PCNX2: variants seen among roughly 807,000 people sequenced by gnomAD.
PCNX2 encodes the protein pecanex-like protein 2.
Under a neutral mutation model 223.8 loss-of-function variants are expected in PCNX2, and 168 were observed. That is an observed-to-expected ratio of 0.75 (90% CI 0.66 to 0.85). The LOEUF (loss-of-function observed/expected upper bound fraction) is 0.85, where lower values mean the gene tolerates loss of function less well. PCNX2 is among the 40% of genes least tolerant of loss of function. The pLI is 0.00. For missense variants in PCNX2, 2,507 were observed against 2,675.5 expected (o/e 0.94, Z 1.39); for synonymous variants, 1,006 against 1,052.6 (o/e 0.96, Z 0.86).
Position 233,243,903 on chromosome 1 carries a change from C to T in PCNX2, c.2222+6836G>A, listed in dbSNP as rs113590009. Among the ~76,000 whole-genome samples, 592 of 152,154 alleles carry T rather than the reference C, an allele frequency of 3.9e-3. 3 individuals are homozygous for T. Among genetic ancestry groups the T allele is most frequent in the African/African-American group, 0.013 (538 of 41,490 alleles). Reference sequence around the variant, plus strand: ...CTGGAGTGCAGTGACGTGATCTCGGCTCACCACAACCTCCGCCTCCCAGGT... The same window carrying T: ...CTGGAGTGCAGTGACGTGATCTCGGTTCACCACAACCTCCGCCTCCCAGGT... On this transcript the variant is annotated intron_variant, in intron 8 of 33. Coordinates refer to ENST00000258229, the MANE Select transcript of PCNX2 (RefSeq NM_014801.4).
Position 233,127,350 on chromosome 1 carries a change from T to C in PCNX2, c.3837+7663A>G, listed in dbSNP as rs946650467. Among the ~76,000 whole-genome samples the C allele has an allele frequency of 2.6e-5, 4 of 152,106 alleles. 1 individual carries two copies. The South Asian group carries it at 8.3e-4, about 32-fold the overall frequency. Reference sequence around the variant, plus strand: ...ACGGTTTCCGGAATGTGCCAACTCCTCTCTTGCTTCTGTGCCTTTACACAT... The same window carrying C: ...ACGGTTTCCGGAATGTGCCAACTCCCCTCTTGCTTCTGTGCCTTTACACAT... On this transcript the variant is annotated intron_variant, in intron 21 of 33. Transcript: ENST00000258229.
chr1:233,026,104 T>C (rs1233617050), intron 25 of PCNX2, among the ~76,000 whole-genome samples: 2 of 151,988 alleles, frequency 1.3e-5, no homozygotes, highest in Non-Finnish European at 2.9e-5. Context: ...CACAAAAAAA[T>C]AATAATAAAG....
chr1:233,247,085 G>C (rs1329204616), intron 8 of PCNX2, among the ~76,000 whole-genome samples: 3 of 152,258 alleles, frequency 2.0e-5, no homozygotes, highest in Non-Finnish European at 4.4e-5. Context: ...CCCTAAGCCT[G>C]TCAGACAGCA....
chr1:233,300,064 C>T (rs1572225782), upstream of PCNX2, among the ~76,000 whole-genome samples: 1 of 152,198 alleles, frequency 6.6e-6, no homozygotes, highest in East Asian at 1.9e-4. Context: ...TGAGTCTACA[C>T]CTTGGCTGAT....
At chr1:233,280,982 T>TCAA (rs1176053300) in intron 1 of PCNX2, among the ~76,000 whole-genome samples, 1 of 53,062 alleles carries the variant, frequency 1.9e-5, no homozygotes, top group Non-Finnish European at 3.9e-5. Context: ...ATCATGATCA[T>TCAA]CATCATCTAT....
At chr1:233,231,212 A>C (rs1658040128) in intron 9 of PCNX2, among the ~76,000 whole-genome samples, 2 of 152,154 alleles carry the variant, frequency 1.3e-5, no homozygotes, top group Admixed American at 6.6e-5. Context: ...CACATCAAGC[A>C]GTGCTCATCA....
intron 19 of PCNX2, among the ~76,000 whole-genome samples, chr1:233,156,938 C>CA (rs988801413): frequency 6.6e-6 from 1 of 151,126 alleles, no homozygotes; most frequent in African/African-American, 2.5e-5. Context: ...AACAAACAAA[C>CA]AAAAAACGCA....
chr1:233,278,072 T>G (rs979647433), intron 1 of PCNX2, among the ~76,000 whole-genome samples: 2 of 152,212 alleles, frequency 1.3e-5, no homozygotes, highest in Non-Finnish European at 2.9e-5. Context: ...GCACCACTCA[T>G]AGACAGTTAT....
chr1:233,043,852 G>A (rs965488422), intron 25 of PCNX2, among the ~76,000 whole-genome samples: 1 of 151,162 alleles, frequency 6.6e-6, no homozygotes, highest in Non-Finnish European at 1.5e-5. Context: ...ATTGTGAATA[G>A]TGCCACAACA....
In PCNX2 at chr1:233,217,880, C is replaced by G; in HGVS notation, c.2691+19G>C. On this transcript the variant is annotated intron_variant, in intron 12 of 33. Transcript: ENST00000258229. ...ACAGACAGACAAGAAAAGCTACTTG[C>G]CTGTATTTGGAAACTTACGTGTATT... 1 of 1,613,680 alleles carries G rather than the reference C, an allele frequency of 6.2e-7. No individual in the cohort carries two copies. The highest frequency in any genetic ancestry group is 8.5e-7 in the Non-Finnish European group (1 of 1,179,778).
At chr1:233,018,488 T>C (rs545973237) in intron 26 of PCNX2, among the ~76,000 whole-genome samples, 3 of 152,340 alleles carry the variant, frequency 2.0e-5, no homozygotes, top group Non-Finnish European at 2.9e-5. Context: ...TTGGGGAAAA[T>C]GCCTCCCTTG....
chr1:233,074,651 G>T (rs1174897266), intron 23 of PCNX2, among the ~76,000 whole-genome samples: 3 of 147,084 alleles, frequency 2.0e-5, no homozygotes, highest in Non-Finnish European at 4.5e-5. Context: ...CTACAGACTG[G>T]AATGAAATAT....
intron 1 of PCNX2, among the ~76,000 whole-genome samples, chr1:233,271,943 C>T (rs1660659719): frequency 6.6e-6 from 1 of 152,024 alleles, no homozygotes; most frequent in Non-Finnish European, 1.5e-5. Context: ...CTTAGTCTTG[C>T]CTTGGCTATG....
intron 21 of PCNX2, among the ~76,000 whole-genome samples, chr1:233,129,347 G>A (rs1283589539): frequency 1.3e-5 from 2 of 152,138 alleles, no homozygotes; most frequent in Non-Finnish European, 2.9e-5. Flanking sequence ...TCCCCACGGG[G>A]CAGGGCTCCT....
intron 10 of PCNX2, among the ~76,000 whole-genome samples, chr1:233,221,275 T>C (rs1657362854): frequency 6.6e-6 from 1 of 152,112 alleles, no homozygotes; most frequent in African/African-American, 2.4e-5. Context: ...TGTGCACTTT[T>C]AATAGTGCTC....
Position 233,198,992 on chromosome 1 carries a change from G to T in PCNX2, c.3013C>A (p.Arg1005=). 2 of 1,605,316 alleles carry T rather than the reference G, an allele frequency of 1.2e-6. No individual in the cohort carries two copies. The highest frequency in any genetic ancestry group is 2.2e-5 in the East Asian group (1 of 44,514). ...AGCAGGGCGGCAGCCAAGACGCTCC[G>T]GGCCACACTGTAAACAGCCGAGGTT... ...GITSAVYSVA[R]SVLAAALLHA... Residue 1005 remains arginine (R), a synonymous_variant, in exon 15 of 34, where the codon CGG becomes AGG. Transcript: ENST00000258229.
At chr1:233,006,647 A>G (rs1211766927) in intron 28 of PCNX2, among the ~76,000 whole-genome samples, 2 of 152,198 alleles carry the variant, frequency 1.3e-5, no homozygotes, top group African/African-American at 2.4e-5. Context: ...AAACAGCTCT[A>G]ATGTGGGGAT....
intron 19 of PCNX2, among the ~76,000 whole-genome samples, chr1:233,156,435 G>A (rs1220591052): frequency 1.3e-5 from 2 of 152,182 alleles, no homozygotes; most frequent in Non-Finnish European, 2.9e-5. Context: ...CAGCATTTGT[G>A]AGCCTCCCTC....
In PCNX2 at chr1:233,025,254, G is replaced by T. The variant is rs1671041434; in HGVS notation, c.4497C>A (p.Ile1499=). Residue 1499 remains isoleucine, a synonymous_variant, in exon 26 of 34, where the codon ATC becomes ATA. Transcript: ENST00000258229. The part of the protein sequence containing the change: ...AFHLRWLTWE[I]TQTQYILEGY... ...CCTCCAGGATGTACTGGGTCTGCGTGATTTCCCAGGTGAGCCAGCGGAGGT... is the reference window on the plus strand; with the variant it reads ...CCTCCAGGATGTACTGGGTCTGCGTTATTTCCCAGGTGAGCCAGCGGAGGT... The T allele has an allele frequency of 6.2e-7, 1 of 1,614,020 alleles. No homozygotes were observed. Among genetic ancestry groups the T allele is most frequent in the East Asian group, 2.2e-5 (1 of 44,890 alleles).
Sources: allele counts gnomAD v4.1 joint callset (sites outside exome capture counted in the v4.1 genomes callset), GRCh38; gene constraint gnomAD v4.1.1; transcripts MANE v1.5; gene names NCBI Gene and HGNC (gene_info 2026-07-23, HGNC 2026-07-21).